Variants in MCC observed in about 807,000 individuals in gnomAD.
MCC encodes MCC regulator of Wnt signaling pathway.
MCC carries 90 observed loss-of-function variants against 116.2 expected under a neutral mutation model. That is an observed-to-expected ratio of 0.77 (90% CI 0.65 to 0.92). MCC has a LOEUF of 0.92. Ranked by LOEUF, MCC falls within the 40% of genes least tolerant of loss-of-function variation. MCC has a pLI of 0.00. For synonymous variants in MCC, 578 were observed against 510.5 expected, an observed-to-expected ratio of 1.13 and a Z score of -1.78; for missense variants, 1,516 against 1,312.2, an observed-to-expected ratio of 1.16 and a Z score of -2.40.
intron 5 of MCC, among the ~76,000 whole-genome samples, chr5:113,138,085 T>C (rs1257697814): frequency 6.6e-6 from 1 of 151,890 alleles, no homozygotes; most frequent in Non-Finnish European, 1.5e-5. Flanking sequence ...GGTGCGACCT[T>C]GGCTCACTGC....
chr5:113,263,427 G>A (rs1336874701), intron 3 of MCC, among the ~76,000 whole-genome samples: 1 of 152,184 alleles, frequency 6.6e-6, no homozygotes, highest in Non-Finnish European at 1.5e-5. Context: ...TTTATCAATA[G>A]TGGCCCTGAT....
chr5:113,097,469 A>T (rs1461124162), intron 8 of MCC, among the ~76,000 whole-genome samples: 1 of 152,172 alleles, frequency 6.6e-6, no homozygotes, highest in Non-Finnish European at 1.5e-5. Flanking sequence ...TTTCTGGTCT[A>T]TTTTCAATAT....
intron 5 of MCC, among the ~76,000 whole-genome samples, chr5:113,136,331 G>T (rs1192683549): frequency 6.6e-6 from 1 of 152,118 alleles, no homozygotes; most frequent in African/African-American, 2.4e-5. Context: ...TGTAAACAGA[G>T]ATCTGAAATA....
At chr5:113,256,747 T>G (rs1399696643) in intron 3 of MCC, among the ~76,000 whole-genome samples, 1 of 152,192 alleles carries the variant, frequency 6.6e-6, no homozygotes, top group African/African-American at 2.4e-5. Flanking sequence ...GCTACCTACC[T>G]GCCAACCTGA....
At chr5:113,289,636 G>C (rs144594045) in intron 3 of MCC, among the ~76,000 whole-genome samples, 1 of 152,116 alleles carries the variant, frequency 6.6e-6, no homozygotes, top group African/African-American at 2.4e-5. Flanking sequence ...AAGCCACATA[G>C]GGATGCCCAT....
chr5:113,384,467 A>G (rs1424816265), intron 2 of MCC, among the ~76,000 whole-genome samples: 1 of 152,144 alleles, frequency 6.6e-6, no homozygotes, highest in Non-Finnish European at 1.5e-5. Context: ...AGGTGCCTGT[A>G]GTCCCAGCTA....
intron 6 of MCC, among the ~76,000 whole-genome samples, chr5:113,117,418 C>A (rs1308583954): frequency 6.6e-6 from 1 of 152,242 alleles, no homozygotes; most frequent in African/African-American, 2.4e-5. Flanking sequence ...GCAAGGTATT[C>A]TATGCATAGG....
At chr5:113,398,195 T>A (rs946601052) in intron 1 of MCC, among the ~76,000 whole-genome samples, 4 of 152,150 alleles carry the variant, frequency 2.6e-5, no homozygotes, top group Admixed American at 6.5e-5. Flanking sequence ...CATTTGTCAG[T>A]GAGGCTGTGG....
chr5:113,402,187 C>T (rs182389751), intron 1 of MCC, among the ~76,000 whole-genome samples: 3,399 of 150,112 alleles, frequency 0.023, 75 homozygotes, highest in East Asian at 0.077. Flanking sequence ...CCAGCTACTC[C>T]GGAGGCTGAG....
Position 113,085,429 on chromosome 5 carries a change from AG to A in MCC, c.1399-120del, listed in dbSNP as rs570862124. On this transcript the variant is annotated intron_variant, in intron 8 of 18. Coordinates refer to ENST00000408903, the MANE Select transcript of MCC (RefSeq NM_001085377.2). Reference sequence around the variant, plus strand: ...TGAGGGATCAGCCCACTGAAAAGCTAGGTTGGTTGAGTCCACATAAAAGTCA... The same window carrying A: ...TGAGGGATCAGCCCACTGAAAAGCTAGTTGGTTGAGTCCACATAAAAGTCA... 1.9e-4 allele frequency: 178 copies of A among 947,908 alleles called. No homozygotes were observed. In the East Asian group the frequency reaches 3.9e-3, roughly 21 times the overall value. 58.7% of individuals were successfully genotyped at this position (947,908 alleles called of 1,614,324 possible).
chr5:113,471,866 G>A (rs1485571835), intron 1 of MCC, among the ~76,000 whole-genome samples: 4 of 152,044 alleles, frequency 2.6e-5, no homozygotes, highest in Non-Finnish European at 5.9e-5. Flanking sequence ...GTAATGGCGG[G>A]CGCCCCTCCC....
intron 1 of MCC, chr5:113,432,610 A>G (rs775101695): frequency 7.2e-5 from 11 of 152,208 alleles, no homozygotes; most frequent in East Asian, 1.9e-4. Flanking sequence ...AGATTAACCA[A>G]CTTGCCCAAG....
In MCC at chr5:113,193,696, G is replaced by A. The variant is rs570916617; in HGVS notation, c.628-42274C>T. ...CCACCTCCAATTCTGTTTCTCCTAG[G>A]AAACCGCTTCATAGCCTGGGATCCA... On this transcript the variant is annotated intron_variant, in intron 3 of 18. Transcript: ENST00000408903. 9.2e-5 allele frequency among the ~76,000 whole-genome samples: 14 copies of A among 152,256 alleles called. No homozygotes were observed. In the East Asian group the frequency reaches 2.5e-3, roughly 27 times the overall value.
At chr5:113,414,087 T>C (rs1770072400) in intron 1 of MCC, among the ~76,000 whole-genome samples, 1 of 152,202 alleles carries the variant, frequency 6.6e-6, no homozygotes, top group Non-Finnish European at 1.5e-5. Context: ...CGGTTTTGAG[T>C]GTGTTTCTTA....
chr5:113,024,077 A>G lies in MCC; in HGVS notation c.*3225T>C, dbSNP rs889922105. The G allele has an allele frequency of 6.6e-6, 1 of 152,244 alleles. No homozygotes were observed. The highest frequency in any genetic ancestry group is 2.4e-5 in the African/African-American group (1 of 41,472). The allele number at this position is 152,244 out of a possible 1,614,324, so 9.4% of individuals were successfully genotyped here. A position where few individuals can be genotyped will look rare whatever the true frequency, so the allele number is the denominator to read the frequency against. ...ACTACTCCTTAACAGCTTTTAAGAA[A>G]AAGCCTATGGGCTCTAATTTGGACT... On this transcript the variant is annotated 3_prime_UTR_variant, in exon 19 of 19. Transcript: ENST00000408903.
intron 16 of MCC, among the ~76,000 whole-genome samples, chr5:113,045,052 G>A (rs903703826): frequency 5.3e-5 from 8 of 152,172 alleles, no homozygotes; most frequent in South Asian, 2.1e-4. Flanking sequence ...ACCTACCTGC[G>A]CTCAGAGATC....
chr5:113,074,576 TAAC>T (rs1218857374), intron 11 of MCC, among the ~76,000 whole-genome samples: 2 of 143,634 alleles, frequency 1.4e-5, no homozygotes, highest in Admixed American at 7.2e-5. Flanking sequence ...CGATAGATAA[TAAC>T]AAACTTCTCC....
At chr5:113,315,704 CAAAAAAAAA>C (rs35274366) in intron 3 of MCC, among the ~76,000 whole-genome samples, 11 of 64,470 alleles carry the variant, frequency 1.7e-4, no homozygotes, top group African/African-American at 4.2e-4. Context: ...CCCATCTCTA[CAAAAAAAAA>C]AAAAAAAAAA....
At chr5:113,230,113 C>T (rs577472044) in intron 3 of MCC, among the ~76,000 whole-genome samples, 2 of 152,150 alleles carry the variant, frequency 1.3e-5, no homozygotes, top group Non-Finnish European at 2.9e-5. Context: ...CTAAAAATGG[C>T]CATTGTAGAG....
Sources: allele counts gnomAD v4.1 joint callset (sites outside exome capture counted in the v4.1 genomes callset), GRCh38; gene constraint gnomAD v4.1.1; transcripts MANE v1.5; gene names NCBI Gene and HGNC (gene_info 2026-07-23, HGNC 2026-07-21).